Variants in RCAN2 observed in about 807,000 individuals in gnomAD.
RCAN2 encodes the protein calcipressin-2.
A neutral mutation model predicts 23.6 loss-of-function variants in RCAN2; 9 were observed. That is an observed-to-expected ratio of 0.38 (90% confidence interval 0.23 to 0.67). RCAN2 has a LOEUF of 0.67. RCAN2 is among the 30% of genes least tolerant of loss of function. The pLI is 0.51. For missense variants in RCAN2, 273 were observed against 302.3 expected (o/e 0.90, Z 0.72); for synonymous variants, 109 against 115.7 (o/e 0.94, Z 0.37).
At chr6:46,469,969 G>A (rs1768512568) in intron 1 of RCAN2, among the ~76,000 whole-genome samples, 1 of 152,134 alleles carries the variant, frequency 6.6e-6, no homozygotes, top group Non-Finnish European at 1.5e-5. Flanking sequence ...CTCACCAGAC[G>A]ACCGAACCTC....
rs527555507 is a variant in RCAN2 at position 46,475,913 on chromosome 6, T to C, written c.-3+15260A>G. On this transcript the variant is annotated intron_variant, in intron 1 of 4. Coordinates refer to ENST00000371374, the MANE Select transcript of RCAN2 (RefSeq NM_001251974.2). ...TGAATCACCCAAAATGGGTCTTCTTTCTCTTTTCCAGTGTTCATTTAACAG... is the reference window on the plus strand; with the variant it reads ...TGAATCACCCAAAATGGGTCTTCTTCCTCTTTTCCAGTGTTCATTTAACAG... 2.0e-5 allele frequency among the ~76,000 whole-genome samples: 3 copies of C among 152,342 alleles called. No homozygotes were observed. In the South Asian group the frequency reaches 6.2e-4, roughly 32 times the overall value.
chr6:46,268,207 T>G (rs1230827500), intron 2 of RCAN2, among the ~76,000 whole-genome samples: 1 of 152,238 alleles, frequency 6.6e-6, no homozygotes, highest in Non-Finnish European at 1.5e-5. Flanking sequence ...AACAATCATG[T>G]CTGTCTCATT....
intron 2 of RCAN2, among the ~76,000 whole-genome samples, chr6:46,250,381 TTA>T (rs886243468): frequency 6.6e-6 from 1 of 152,194 alleles, no homozygotes; most frequent in Non-Finnish European, 1.5e-5. Flanking sequence ...ACTAAGGAAA[TTA>T]TATATACAAC....
At chr6:46,250,416 C>G (rs1400114724) in intron 2 of RCAN2, among the ~76,000 whole-genome samples, 6 of 152,146 alleles carry the variant, frequency 3.9e-5, no homozygotes, top group African/African-American at 1.2e-4. Flanking sequence ...TTTATTTCAA[C>G]AGTAAAAGGT....
At chr6:46,445,008 G>A (rs1193145085) in intron 2 of RCAN2, among the ~76,000 whole-genome samples, 1 of 152,164 alleles carries the variant, frequency 6.6e-6, no homozygotes, top group Non-Finnish European at 1.5e-5. Context: ...AGTTGACACA[G>A]GGTCCAGGCC....
At chr6:46,323,541 C>T (rs1763687009) in intron 2 of RCAN2, among the ~76,000 whole-genome samples, 2 of 152,168 alleles carry the variant, frequency 1.3e-5, no homozygotes, top group Admixed American at 1.3e-4. Context: ...CCTGACTCAC[C>T]TCCTTTCCCG....
At chr6:46,365,526 A>G (rs988545746) in intron 2 of RCAN2, among the ~76,000 whole-genome samples, 12 of 152,132 alleles carry the variant, frequency 7.9e-5, no homozygotes, top group African/African-American at 2.9e-4. Context: ...AAAAAAAGAA[A>G]AAAAAGAGAA....
intron 2 of RCAN2, among the ~76,000 whole-genome samples, chr6:46,296,149 C>G (rs1241933963): frequency 6.7e-6 from 1 of 150,288 alleles, no homozygotes; most frequent in Non-Finnish European, 1.5e-5. Context: ...GATTTCCCGA[C>G]TGGGAAAGCT....
At chr6:46,306,413 A>T (rs990051655) in intron 2 of RCAN2, among the ~76,000 whole-genome samples, 3 of 152,058 alleles carry the variant, frequency 2.0e-5, no homozygotes, top group Admixed American at 1.3e-4. Flanking sequence ...ATACCATCTA[A>T]CTCCTTTGCA....
intron 2 of RCAN2, among the ~76,000 whole-genome samples, chr6:46,352,343 A>C (rs1405285029): frequency 6.6e-6 from 1 of 152,246 alleles, no homozygotes; most frequent in African/African-American, 2.4e-5. Context: ...TGTAGCAAAG[A>C]GGAGGAAATG....
At chr6:46,341,612 C>T (rs1241689449) in intron 2 of RCAN2, among the ~76,000 whole-genome samples, 1 of 152,074 alleles carries the variant, frequency 6.6e-6, no homozygotes, top group African/African-American at 2.4e-5. Context: ...GCCTGGCCAA[C>T]ATGGTGAGAC....
intron 2 of RCAN2, among the ~76,000 whole-genome samples, chr6:46,415,298 T>C (rs909905198): frequency 6.6e-6 from 1 of 152,130 alleles, no homozygotes; most frequent in African/African-American, 2.4e-5. Flanking sequence ...TCAGTAAGAT[T>C]TGAGGATTGA....
chr6:46,254,890 G>A lies in RCAN2; in HGVS notation c.226-5994C>T, dbSNP rs145273524. ...GAGAGTGTCCTGTGAAGACAGTGAA[G>A]TGGCACCTCTGCAAGCCAAGGAATG... On this transcript the variant is annotated intron_variant, in intron 2 of 4. Coordinates refer to ENST00000371374, the MANE Select transcript of RCAN2 (RefSeq NM_001251974.2). Among the ~76,000 whole-genome samples, 132 of 152,260 alleles carry A rather than the reference G, an allele frequency of 8.7e-4. 1 individual carries two copies. The highest frequency in any genetic ancestry group is 3.1e-3 in the African/African-American group (127 of 41,556).
chr6:46,452,302 C>T (rs888483414), intron 2 of RCAN2, among the ~76,000 whole-genome samples: 1 of 152,148 alleles, frequency 6.6e-6, no homozygotes, highest in African/African-American at 2.4e-5. Context: ...ATGATACTTA[C>T]ACCAATCTAG....
At chr6:46,296,411 C>T (rs1436645936) in intron 2 of RCAN2, among the ~76,000 whole-genome samples, 1 of 152,040 alleles carries the variant, frequency 6.6e-6, no homozygotes, top group Non-Finnish European at 1.5e-5. Flanking sequence ...TCCCTTCTGA[C>T]TTAATTATGT....
At chr6:46,450,460 A>G (rs1036985382) in intron 2 of RCAN2, among the ~76,000 whole-genome samples, 2 of 152,090 alleles carry the variant, frequency 1.3e-5, no homozygotes, top group African/African-American at 4.8e-5. Flanking sequence ...TCTAAATAAA[A>G]TGAAATTGGT....
chr6:46,332,261 T>C (rs985839372), intron 2 of RCAN2, among the ~76,000 whole-genome samples: 6 of 152,166 alleles, frequency 3.9e-5, no homozygotes, highest in African/African-American at 9.6e-5. Context: ...TTCCTTCTCA[T>C]ACATCCTTAT....
intron 1 of RCAN2, among the ~76,000 whole-genome samples, chr6:46,472,067 C>A (rs1484174430): frequency 6.6e-6 from 1 of 152,148 alleles, no homozygotes; most frequent in Non-Finnish European, 1.5e-5. Context: ...CTAAAGGCTA[C>A]AAAGGGAAAA....
chr6:46,490,259 A>G (rs1478666248), intron 1 of RCAN2, among the ~76,000 whole-genome samples: 2 of 152,174 alleles, frequency 1.3e-5, no homozygotes, highest in South Asian at 4.1e-4. Flanking sequence ...CCAATTGTGG[A>G]AAACTGTGGG....
Sources: gnomAD v4.1 joint callset for allele counts (sites outside exome capture counted in the v4.1 genomes callset) on GRCh38, gnomAD v4.1.1 for gene constraint, MANE v1.5 for transcripts, NCBI Gene and HGNC (gene_info 2026-07-23, HGNC 2026-07-21) for gene names.